Variants in MICALL2 observed in about 807,000 individuals in gnomAD.
The protein encoded by MICALL2 is MICAL-like protein 2.
Under a neutral mutation model 91.1 loss-of-function variants are expected in MICALL2, and 111 were observed. The observed-to-expected ratio is 1.22, with a 90% CI of 1.04 to 1.43. The LOEUF is 1.43. Ranked by LOEUF, MICALL2 falls within the 40% of genes most tolerant of loss-of-function variation. The pLI, the probability that MICALL2 is intolerant of heterozygous loss-of-function variation, is 0.00. For missense variants in MICALL2, 1,556 were observed against 1,236.0 expected, an observed-to-expected ratio of 1.26 and a Z score of -3.88; for synonymous variants, 694 against 525.3, an observed-to-expected ratio of 1.32 and a Z score of -4.39.
chr7:1,457,170 C>G (rs1781047221), intron 1 of MICALL2, among the ~76,000 whole-genome samples: 1 of 152,204 alleles, frequency 6.6e-6, no homozygotes, highest in Non-Finnish European at 1.5e-5. Context: ...CACGTGGGCA[C>G]CTACTAAGCT....
rs541523046 is a variant in MICALL2, at chr7:1,436,122, GC to G, written c.2591+619del. ...TAAGACTTTACGGCCAGTTACGGTG[GC>G]TCATGCCTGTAATTCCAGCACTTTG... On this transcript the variant is annotated intron_variant, in intron 15 of 16. Transcript: ENST00000297508. Among the ~76,000 whole-genome samples the G allele has an allele frequency of 2.5e-3, 374 of 151,906 alleles. 4 individuals are homozygous for G. Among genetic ancestry groups the G allele is most frequent in the African/African-American group, 8.4e-3 (346 of 41,382 alleles).
In MICALL2 at chr7:1,438,212, G is replaced by C; in HGVS notation, c.2196C>G (p.Pro732=). The change falls in exon 12 of 17, where the codon CCC becomes CCG. Residue 732 remains proline (P), a synonymous_variant. Coordinates refer to ENST00000297508, the MANE Select transcript of MICALL2 (RefSeq NM_182924.4). The part of the protein sequence containing the change: ...ETVTSPVRLH[P]DYLSPEEIQR... Reference sequence around the variant, plus strand: ...GTATCTCCTCCGGGGAGAGGTAGTCGGGGTGCAGCTGGGAACGGAGGGGCG... The same window carrying C: ...GTATCTCCTCCGGGGAGAGGTAGTCCGGGTGCAGCTGGGAACGGAGGGGCG... The C allele has an allele frequency of 6.3e-7, 1 of 1,586,032 alleles. No individual in the cohort carries two copies.
At chr7:1,454,286 C>T (rs370416054) in intron 1 of MICALL2, among the ~76,000 whole-genome samples, 2 of 151,976 alleles carry the variant, frequency 1.3e-5, no homozygotes, top group Admixed American at 6.6e-5. Context: ...GGCAGGTGGA[C>T]GGACAGAGAG....
rs867621551 is a variant in MICALL2 at position 1,436,626 on chromosome 7, A to G, written c.2591+116T>C. The G allele has an allele frequency of 5.9e-5, 39 of 657,326 alleles. No individual in the cohort carries two copies. The Middle Eastern group carries it at 1.7e-3, about 29-fold the overall frequency. 40.7% of individuals were successfully genotyped at this position (657,326 alleles called of 1,614,324 possible). ...GCCCCTGGCTACTGTACCAGTCAGC[A>G]TAGACAATAACCGCCTGGTCAGAAA... On this transcript the variant is annotated intron_variant, in intron 15 of 16. Transcript: ENST00000297508.
In MICALL2 at chr7:1,452,960, T is replaced by G. The variant is rs141237725; in HGVS notation, c.144-2672A>C. Among the ~76,000 whole-genome samples the G allele has an allele frequency of 7.3e-4, 111 of 151,740 alleles. No individual in the cohort carries two copies. The highest frequency in any genetic ancestry group is 2.2e-3 in the African/African-American group (91 of 41,342). Reference sequence around the variant, plus strand: ...CACTCTCCCGGCACAGAACAGCTTTTCCCACACTCCGCCCGATGCACCCGC... The same window carrying G: ...CACTCTCCCGGCACAGAACAGCTTTGCCCACACTCCGCCCGATGCACCCGC... On this transcript the variant is annotated intron_variant, in intron 1 of 16. Transcript: ENST00000297508. This position sits in a 1 kb window ranked among gnomAD's most constrained non-coding sequence, Gnocchi z 6.2.
At position 1,440,710 on chromosome 7, in the gene MICALL2, T is replaced by C. The variant is rs780736186; in HGVS notation, c.1712-26A>G. 6.3e-6 allele frequency: 10 copies of C among 1,592,860 alleles called. No homozygotes were observed. In the South Asian group the frequency reaches 1.1e-4, roughly 18 times the overall value. Reference sequence around the variant, plus strand: ...CTGGGTGGGAGGCAAGGGGTCTGGGTGTGAGGAAGGAGTGCTGGGAATGGG... The same window carrying C: ...CTGGGTGGGAGGCAAGGGGTCTGGGCGTGAGGAAGGAGTGCTGGGAATGGG... On this transcript the variant is annotated intron_variant, in intron 7 of 16. Coordinates refer to ENST00000297508, the MANE Select transcript of MICALL2 (RefSeq NM_182924.4).
chr7:1,437,185 G>C lies in MICALL2; in HGVS notation c.2477-329C>G, dbSNP rs1584195253. The C allele has an allele frequency of 1.0e-5, 5 of 485,024 alleles. No individual in the cohort carries two copies. The South Asian group carries it at 1.5e-4, about 15-fold the overall frequency. The allele number at this position is 485,024 out of a possible 1,614,324, so 30.0% of individuals were successfully genotyped here. A position where few individuals can be genotyped will look rare whatever the true frequency, so the allele number is the denominator to read the frequency against. On this transcript the variant is annotated intron_variant, in intron 14 of 16. Coordinates refer to ENST00000297508, the MANE Select transcript of MICALL2 (RefSeq NM_182924.4). The stretch of plus-strand genomic sequence containing the variant: ...CGGCCTGGGCCTGTGCCCTCAGCCA[G>C]GGCACCCTGCATCACGAGACAAATG...
In MICALL2 at chr7:1,434,536, A is replaced by G; in HGVS notation, c.*60T>C. On this transcript the variant is annotated 3_prime_UTR_variant, in exon 17 of 17. Coordinates refer to ENST00000297508, the MANE Select transcript of MICALL2 (RefSeq NM_182924.4). Reference sequence around the variant, plus strand: ...CGGGTTCCGGGTCCGGGCCAAGCCCATGGCCCCGAGTCCAAGTCCGGATGC... The same window carrying G: ...CGGGTTCCGGGTCCGGGCCAAGCCCGTGGCCCCGAGTCCAAGTCCGGATGC... 1.4e-6 allele frequency: 2 copies of G among 1,448,664 alleles called. No individual in the cohort carries two copies. Among genetic ancestry groups the G allele is most frequent in the South Asian group, 2.3e-5 (2 of 87,720 alleles). The allele number at this position is 1,448,664 out of a possible 1,614,324, so 89.7% of individuals were successfully genotyped here.
At chr7:1,445,556 C>G (rs1262159163) in intron 5 of MICALL2, 128 bp from the exon 6 acceptor site, 8 of 850,006 alleles carry the variant, frequency 9.4e-6, no homozygotes, top group African/African-American at 1.7e-5. Context: ...ACGCCCGCCC[C>G]GCCACGCATT....
chr7:1,449,577 G>A (rs1167546509), intron 2 of MICALL2, among the ~76,000 whole-genome samples: 1 of 152,284 alleles, frequency 6.6e-6, no homozygotes. Flanking sequence ...CCCGTGCTGA[G>A]CAGGGCAGTG....
At chr7:1,448,535 C>T (rs1780696572) in intron 3 of MICALL2, 85 bp downstream of exon 3, 1 of 1,420,712 alleles carries the variant, frequency 7.0e-7, no homozygotes, top group African/African-American at 1.4e-5. Context: ...TGGGCATGGA[C>T]CCCAAAAAGT....
At chr7:1,435,188 G>C (rs770203285) in intron 15 of MICALL2, 41 bp from the exon 16 acceptor site, 1 of 1,607,638 alleles carries the variant, frequency 6.2e-7, no homozygotes, top group East Asian at 2.2e-5. Flanking sequence ...AATGGCAATG[G>C]CAAGGTGCCC....
chr7:1,435,777 G>A (rs753833509), intron 15 of MICALL2, among the ~76,000 whole-genome samples: 26 of 152,320 alleles, frequency 1.7e-4, no homozygotes, highest in East Asian at 3.9e-4. Flanking sequence ...GACTTTGGCC[G>A]GGCACGGTGG....
At chr7:1,438,410 AG>A (rs1193679909) in intron 10 of MICALL2, 57 bp from the exon 11 acceptor site, 2 of 1,557,490 alleles carry the variant, frequency 1.3e-6, no homozygotes, top group African/African-American at 2.7e-5. Context: ...CAACGTGACC[AG>A]GACACAGCTT....
intron 5 of MICALL2, 87 bp downstream of exon 5, chr7:1,446,626 G>T (rs1780604835): frequency 2.2e-6 from 2 of 915,864 alleles, no homozygotes; most frequent in Admixed American, 4.0e-5. Flanking sequence ...CGGGGAGGAG[G>T]AGGCCGGGTG....
Position 1,447,676 on chromosome 7 carries a change from G to A in MICALL2, c.424C>T (p.Pro142Ser). The change falls in exon 4 of 17, where the codon CCC becomes TCC. Residue 142 changes from proline to serine, a missense_variant. Physicochemically the swap from Pro to Ser is moderately conservative, Grantham distance 74. Coordinates refer to ENST00000297508, the MANE Select transcript of MICALL2 (RefSeq NM_182924.4). ...KKAPVQAAKL[P>S]SPAPARKPPL... ...GGCTTCCGGGCTGGGGCGGGCGAGGGCAGCTTGGCCGCCTGGACTGGAGCC... is the reference window on the plus strand; with the variant it reads ...GGCTTCCGGGCTGGGGCGGGCGAGGACAGCTTGGCCGCCTGGACTGGAGCC... 2 of 1,585,546 alleles carry A rather than the reference G, an allele frequency of 1.3e-6. No homozygotes were observed. The highest frequency in any genetic ancestry group is 1.7e-6 in the Non-Finnish European group (2 of 1,166,830).
intron 1 of MICALL2, among the ~76,000 whole-genome samples, chr7:1,453,969 C>T (rs920436827): frequency 2.6e-5 from 4 of 152,184 alleles, no homozygotes; most frequent in African/African-American, 4.8e-5. Context: ...AACTCTCCAC[C>T]GTGCGTGCCC....
At position 1,438,303 on chromosome 7, in the gene MICALL2, T is replaced by C. The variant is rs776447425; in HGVS notation, c.2173A>G (p.Thr725Ala). The C allele has an allele frequency of 6.2e-7, 1 of 1,601,330 alleles. No homozygotes were observed. ...CCACTACTCACCCTGACTGGGGAGGTCACCGTCTCGCCAGGCAGAGCAGGG... is the reference window on the plus strand; with the variant it reads ...CCACTACTCACCCTGACTGGGGAGGCCACCGTCTCGCCAGGCAGAGCAGGG... ...NVPALPGETV[T>A]SPVRLHPDYL... Residue 725 changes from threonine to alanine, a missense_variant, in exon 11 of 17, where the codon ACC (threonine) becomes GCC (alanine). Transcript: ENST00000297508.
chr7:1,453,245 C>G (rs981868095), intron 1 of MICALL2, among the ~76,000 whole-genome samples: 1 of 152,142 alleles, frequency 6.6e-6, no homozygotes, highest in Non-Finnish European at 1.5e-5. Context: ...TTCATTTTGC[C>G]TCCTTTGGAG....
Sources: allele counts gnomAD v4.1 joint callset (sites outside exome capture counted in the v4.1 genomes callset), GRCh38; gene constraint gnomAD v4.1.1; non-coding constraint Gnocchi (gnomAD v3.1); transcripts MANE v1.5; gene names NCBI Gene and HGNC (gene_info 2026-07-23, HGNC 2026-07-21).